CPNE4: variants seen among roughly 807,000 people sequenced by gnomAD.
The protein encoded by CPNE4 is copine-4.
Under a neutral mutation model 67.9 loss-of-function variants are expected in CPNE4, and 25 were observed. The observed-to-expected ratio is 0.37, with a 90% CI of 0.27 to 0.51. The LOEUF (loss-of-function observed/expected upper bound fraction) is 0.51. Among genes scored for constraint, CPNE4 ranks in the 20% least tolerant of loss-of-function variants. CPNE4 has a pLI of 0.93. For synonymous variants in CPNE4, 242 were observed against 244.9 expected, an observed-to-expected ratio of 0.99 and a Z score of 0.11; for missense variants, 464 against 690.8, an observed-to-expected ratio of 0.67 and a Z score of 3.68.
At position 131,796,768 on chromosome 3, in the gene CPNE4, GAAACC is replaced by G. The variant is rs1255039157; in HGVS notation, c.181-73148_181-73144del. Among the ~76,000 whole-genome samples the G allele has an allele frequency of 2.3e-4, 35 of 152,316 alleles. 1 individual carries two copies. Among genetic ancestry groups the G allele is most frequent in the African/African-American group, 8.2e-4 (34 of 41,572 alleles). ...ATGTCATCGCATTTGCAAATGAACA[GAAACC>G]TCCCACTCAAAGAGCATCAGTGCCA... On this transcript the variant is annotated intron_variant, in intron 2 of 15. Coordinates refer to ENST00000429747, the MANE Select transcript of CPNE4 (RefSeq NM_130808.3).
chr3:131,695,372 G>C (rs959429527), intron 5 of CPNE4, among the ~76,000 whole-genome samples: 6 of 152,164 alleles, frequency 3.9e-5, no homozygotes, highest in Non-Finnish European at 8.8e-5. Flanking sequence ...TTGACTAAAG[G>C]GAAACTGCTC....
chr3:131,781,872 C>G (rs562593247), intron 2 of CPNE4, among the ~76,000 whole-genome samples: 1 of 152,078 alleles, frequency 6.6e-6, no homozygotes, highest in African/African-American at 2.4e-5. Flanking sequence ...AACCTCACCA[C>G]CCAGGCCCTA....
chr3:131,743,663 T>G (rs2082407384), intron 2 of CPNE4, among the ~76,000 whole-genome samples: 1 of 152,064 alleles, frequency 6.6e-6, no homozygotes, highest in South Asian at 2.1e-4. Context: ...GGGAAACACA[T>G]GATCATATTT....
chr3:131,847,013 G>A (rs927337613), intron 2 of CPNE4, among the ~76,000 whole-genome samples: 14 of 152,128 alleles, frequency 9.2e-5, no homozygotes, highest in Admixed American at 1.3e-4. Context: ...AAGTCATATC[G>A]CAGGAAGAGC....
In CPNE4 at chr3:131,728,841, C is replaced by T. The variant is rs893875412; in HGVS notation, c.181-5216G>A. On this transcript the variant is annotated intron_variant, in intron 2 of 15. Coordinates refer to ENST00000429747, the MANE Select transcript of CPNE4 (RefSeq NM_130808.3). ...GGGAGAATGGCGTGAACCCGGGAGG[C>T]GGAGCTTGCAGTGAACAGAGATCAG... Among the ~76,000 whole-genome samples the T allele has an allele frequency of 6.7e-5, 9 of 134,448 alleles. No individual in the cohort carries two copies. The Admixed American group carries it at 8.1e-4, about 12-fold the overall frequency. 88.2% of individuals were successfully genotyped at this position (134,448 alleles called of 152,430 possible). A position where few individuals can be genotyped will look rare whatever the true frequency, so the allele number is the denominator to read the frequency against.
chr3:131,949,099 A>G (rs1369296623), intron 1 of CPNE4, among the ~76,000 whole-genome samples: 1 of 152,216 alleles, frequency 6.6e-6, no homozygotes, highest in Admixed American at 6.5e-5. Context: ...GATTATATGT[A>G]AAGGACTGAG....
At chr3:131,730,269 T>C (rs886732070) in intron 2 of CPNE4, among the ~76,000 whole-genome samples, 2 of 152,218 alleles carry the variant, frequency 1.3e-5, no homozygotes, top group Admixed American at 6.5e-5. Flanking sequence ...GGAAACAATT[T>C]TTTTCTTTCC....
intron 7 of CPNE4, among the ~76,000 whole-genome samples, chr3:131,653,143 C>CTTTTTT (rs1206489252): frequency 2.8e-4 from 28 of 98,564 alleles, no homozygotes; most frequent in South Asian, 3.5e-4. Flanking sequence ...GATAGGACTT[C>CTTTTTT]TTTTTTTTTT....
intron 2 of CPNE4, among the ~76,000 whole-genome samples, chr3:131,819,867 C>T (rs2084898284): frequency 6.6e-6 from 1 of 152,144 alleles, no homozygotes; most frequent in South Asian, 2.1e-4. Context: ...GACTTTGACC[C>T]TGCCCAAAGC....
At chr3:131,970,764 G>A (rs1437479311) in intron 1 of CPNE4, among the ~76,000 whole-genome samples, 1 of 152,114 alleles carries the variant, frequency 6.6e-6, no homozygotes. Flanking sequence ...GAAGGTTAAA[G>A]TTGTATTGTG....
chr3:131,841,521 T>A lies in CPNE4; in HGVS notation c.180+63743A>T, dbSNP rs192174876. On this transcript the variant is annotated intron_variant, in intron 2 of 15. Coordinates refer to ENST00000429747, the MANE Select transcript of CPNE4 (RefSeq NM_130808.3). The stretch of plus-strand genomic sequence containing the variant: ...TAGATTCTCATAGGAGCATTAACTG[T>A]GAACTGCACATGTGAGGGATCTAGG... Among the ~76,000 whole-genome samples, 302 of 152,308 alleles carry A rather than the reference T, an allele frequency of 2.0e-3. 1 individual carries two copies. The highest frequency in any genetic ancestry group is 3.2e-3 in the Non-Finnish European group (221 of 68,030).
intron 2 of CPNE4, among the ~76,000 whole-genome samples, chr3:131,902,383 C>T (rs1441029563): frequency 6.6e-6 from 1 of 151,988 alleles, no homozygotes; most frequent in Non-Finnish European, 1.5e-5. Context: ...CAAAAGCTTC[C>T]TATTATTTGT....
chr3:132,026,857 C>T (rs1351680966), intron 1 of CPNE4, among the ~76,000 whole-genome samples: 2 of 127,730 alleles, frequency 1.6e-5, no homozygotes, highest in African/African-American at 6.1e-5. Flanking sequence ...GTTTAATCTC[C>T]ATTTTTACAA....
chr3:131,895,120 C>T (rs76979413), intron 2 of CPNE4, among the ~76,000 whole-genome samples: 2,075 of 152,102 alleles, frequency 0.014, 47 homozygotes, highest in African/African-American at 0.046. Context: ...CAGAAAGACA[C>T]TGTCTAATCT....
At chr3:131,734,295 T>G (rs2082189012) in intron 2 of CPNE4, among the ~76,000 whole-genome samples, 1 of 152,160 alleles carries the variant, frequency 6.6e-6, no homozygotes, top group African/African-American at 2.4e-5. Flanking sequence ...AAGGTAGGAT[T>G]GTAGATGTAT....
intron 7 of CPNE4, among the ~76,000 whole-genome samples, chr3:131,632,050 G>A (rs1365681557): frequency 6.6e-6 from 1 of 150,924 alleles, no homozygotes; most frequent in Middle Eastern, 3.4e-3. Flanking sequence ...GTTTCAGTGA[G>A]CCAAGATTGC....
intron 2 of CPNE4, among the ~76,000 whole-genome samples, chr3:131,818,638 G>A (rs1053927859): frequency 6.6e-6 from 1 of 152,190 alleles, no homozygotes; most frequent in African/African-American, 2.4e-5. Context: ...ATTTTAGCAA[G>A]ATCTCTATCT....
intron 14 of CPNE4, among the ~76,000 whole-genome samples, chr3:131,544,579 G>T (rs1233939351): frequency 6.6e-6 from 1 of 152,172 alleles, no homozygotes; most frequent in Non-Finnish European, 1.5e-5. Flanking sequence ...TTTCTGAGTT[G>T]TATATGTTCA....
At chr3:131,805,430 A>G (rs964050458) in intron 2 of CPNE4, among the ~76,000 whole-genome samples, 3 of 152,212 alleles carry the variant, frequency 2.0e-5, no homozygotes, top group Non-Finnish European at 2.9e-5. Context: ...GTGCTGTTCT[A>G]GTTATACCTG....
Sources: gnomAD v4.1 joint callset for allele counts (sites outside exome capture counted in the v4.1 genomes callset) on GRCh38, gnomAD v4.1.1 for gene constraint, MANE v1.5 for transcripts, NCBI Gene and HGNC (gene_info 2026-07-23, HGNC 2026-07-21) for gene names.